ENOX1: variants seen among roughly 807,000 people sequenced by gnomAD.
ENOX1 encodes ecto-NOX disulfide-thiol exchanger 1, also known as candidate growth-related and time keeping constitutive hydroquinone (NADH) oxidase.
Under a neutral mutation model 82.5 loss-of-function variants are expected in ENOX1, and 42 were observed. The ratio of observed to expected loss-of-function variants is 0.51; its 90% CI spans 0.40 to 0.66. ENOX1 has a LOEUF of 0.66. ENOX1 is among the 30% of genes least tolerant of loss of function. The pLI is 0.00. For missense variants in ENOX1, 608 were observed against 811.6 expected (o/e 0.75, Z 3.05); for synonymous variants, 271 against 282.2 (o/e 0.96, Z 0.40).
chr13:43,732,485 C>A (rs2089403247), intron 1 of ENOX1, among the ~76,000 whole-genome samples: 1 of 152,076 alleles, frequency 6.6e-6, no homozygotes, highest in African/African-American at 2.4e-5. Context: ...CATTTTCTAC[C>A]AAGTCATTGA....
At chr13:43,627,753 CT>C in intron 2 of ENOX1, among the ~76,000 whole-genome samples, 1 of 151,734 alleles carries the variant, frequency 6.6e-6, no homozygotes, top group East Asian at 2.0e-4. Flanking sequence ...TTTATTGTTT[CT>C]TTTCTATTTA....
At chr13:43,250,474 G>A (rs1056260079) in intron 14 of ENOX1, among the ~76,000 whole-genome samples, 2 of 152,174 alleles carry the variant, frequency 1.3e-5, no homozygotes, top group African/African-American at 2.4e-5. Flanking sequence ...TGTTAGGAGC[G>A]GCTAGTTATG....
chr13:43,418,261 C>T (rs1290414287), intron 3 of ENOX1, among the ~76,000 whole-genome samples: 2 of 151,998 alleles, frequency 1.3e-5, no homozygotes, highest in Non-Finnish European at 2.9e-5. Flanking sequence ...GGCGCAGTGG[C>T]TCAAGCCTGT....
chr13:43,254,156 A>C (rs961878609), intron 14 of ENOX1, among the ~76,000 whole-genome samples: 1 of 152,190 alleles, frequency 6.6e-6, no homozygotes. Flanking sequence ...GAGGATGGAC[A>C]AGTCTCATTT....
intron 1 of ENOX1, among the ~76,000 whole-genome samples, chr13:43,753,163 T>C (rs1340027177): frequency 2.0e-5 from 3 of 152,184 alleles, no homozygotes; most frequent in East Asian, 1.9e-4. Context: ...CCCGGCCTCA[T>C]TGCACTTCTA....
At chr13:43,237,966 C>T (rs971879737) in intron 14 of ENOX1, among the ~76,000 whole-genome samples, 3 of 152,186 alleles carry the variant, frequency 2.0e-5, no homozygotes, top group African/African-American at 7.2e-5. Context: ...ATTTTAGAGG[C>T]TCCACTTAAG....
intron 13 of ENOX1, 129 bp downstream of exon 13, chr13:43,269,341 T>G: frequency 1.4e-6 from 1 of 709,098 alleles, no homozygotes. Context: ...TGCTAGGAAG[T>G]TTGACAGGGT....
At chr13:43,565,606 G>A (rs1380868037) in intron 2 of ENOX1, among the ~76,000 whole-genome samples, 2 of 152,144 alleles carry the variant, frequency 1.3e-5, no homozygotes, top group African/African-American at 2.4e-5. Flanking sequence ...TAGAAAGTAG[G>A]GGATTTCAAT....
chr13:43,355,488 T>G (rs1381225180), intron 8 of ENOX1, among the ~76,000 whole-genome samples: 2 of 152,178 alleles, frequency 1.3e-5, no homozygotes, highest in Admixed American at 1.3e-4. Flanking sequence ...CTGGTAAACA[T>G]GCACACTCTA....
chr13:43,429,861 G>C (rs1219726440), intron 3 of ENOX1, among the ~76,000 whole-genome samples: 3 of 152,046 alleles, frequency 2.0e-5, no homozygotes, highest in Non-Finnish European at 4.4e-5. Context: ...GAGGAGAAAA[G>C]GTAATTTCCA....
At chr13:43,693,302 G>A (rs1454056361) in intron 1 of ENOX1, among the ~76,000 whole-genome samples, 1 of 151,932 alleles carries the variant, frequency 6.6e-6, no homozygotes, top group East Asian at 1.9e-4. Context: ...TAATAAGAAT[G>A]GAGAAAGACA....
At chr13:43,400,469 T>C (rs2053432796) in intron 5 of ENOX1, among the ~76,000 whole-genome samples, 1 of 152,236 alleles carries the variant, frequency 6.6e-6, no homozygotes, top group African/African-American at 2.4e-5. Flanking sequence ...TCCAAGTTTC[T>C]GTTTTCTTTG....
chr13:43,496,239 T>A (rs1593488413), intron 2 of ENOX1, among the ~76,000 whole-genome samples: 1 of 93,128 alleles, frequency 1.1e-5, no homozygotes, highest in Non-Finnish European at 2.8e-5. Flanking sequence ...TCTTTTGACT[T>A]TTTCTAGAAA....
chr13:43,592,701 G>T (rs1215589427), intron 2 of ENOX1, among the ~76,000 whole-genome samples: 7 of 152,130 alleles, frequency 4.6e-5, no homozygotes, highest in Non-Finnish European at 7.4e-5. Context: ...TTTTTCTAAA[G>T]ACAGGCTATA....
intron 15 of ENOX1, among the ~76,000 whole-genome samples, chr13:43,232,024 CAA>C (rs1026824035): frequency 9.2e-5 from 14 of 151,528 alleles, no homozygotes; most frequent in African/African-American, 2.7e-4. Context: ...CTCGTGGGCT[CAA>C]GAGATCCTTC....
chr13:43,692,314 T>A (rs1286111358), intron 1 of ENOX1, among the ~76,000 whole-genome samples: 1 of 152,206 alleles, frequency 6.6e-6, no homozygotes, highest in Non-Finnish European at 1.5e-5. Flanking sequence ...TAAATGTTTT[T>A]TAAAATCACA....
chr13:43,626,829 T>G (rs2082984581), intron 2 of ENOX1, among the ~76,000 whole-genome samples: 3 of 151,956 alleles, frequency 2.0e-5, no homozygotes, highest in Admixed American at 1.3e-4. Context: ...TTGTGAGATA[T>G]TCTATATCCT....
chr13:43,529,924 G>A (rs1375420921), intron 2 of ENOX1, among the ~76,000 whole-genome samples: 1 of 152,086 alleles, frequency 6.6e-6, no homozygotes, highest in South Asian at 2.1e-4. Context: ...AACAAACTAT[G>A]AATGCAGCTG....
intron 9 of ENOX1, among the ~76,000 whole-genome samples, chr13:43,340,365 G>T (rs1425248258): frequency 2.6e-5 from 4 of 152,180 alleles, no homozygotes; most frequent in Non-Finnish European, 5.9e-5. Context: ...TCACAGGAAG[G>T]CTCCTCAGAG....
Sources: gnomAD v4.1 joint callset for allele counts (sites outside exome capture counted in the v4.1 genomes callset) on GRCh38, gnomAD v4.1.1 for gene constraint, MANE v1.5 for transcripts, NCBI Gene and HGNC (gene_info 2026-07-23, HGNC 2026-07-21) for gene names.